The following DNAH6 variants were observed in gnomAD, a reference collection of about 807,000 sequenced individuals.
DNAH6 encodes dynein axonemal heavy chain 6, also known as axonemal beta dynein heavy chain 6.
A neutral mutation model predicts 491.4 loss-of-function variants in DNAH6; 340 were observed. That is an observed-to-expected ratio of 0.69 (90% CI 0.63 to 0.76). The LOEUF (loss-of-function observed/expected upper bound fraction) is 0.76. DNAH6 is among the 30% of genes least tolerant of loss of function. The probability of loss-of-function intolerance (pLI) is 0.00; values close to 1 mark genes in which losing one functional copy is unlikely to be tolerated. For missense variants in DNAH6, 4,443 were observed against 4,972.2 expected, an observed-to-expected ratio of 0.89 and a Z score of 3.20; for synonymous variants, 1,603 against 1,686.1, an observed-to-expected ratio of 0.95 and a Z score of 1.21.
the DNAH6 span, among the ~76,000 whole-genome samples, chr2:84,507,469 G>A: frequency 2.0e-5 from 3 of 152,208 alleles, no homozygotes; most frequent in Non-Finnish European, 4.4e-5. Flanking sequence ...ATTTTGGGCT[G>A]AGACGATGGG....
At chr2:84,494,685 T>C in the DNAH6 span, among the ~76,000 whole-genome samples, 1 of 152,194 alleles carries the variant, frequency 6.6e-6, no homozygotes. Context: ...AAATTAGAAC[T>C]ATCTAACAGA....
chr2:84,460,219 T>C, the DNAH6 span, among the ~76,000 whole-genome samples: 3 of 152,332 alleles, frequency 2.0e-5, no homozygotes, highest in South Asian at 6.2e-4. Context: ...AGCTGTGGGA[T>C]GGATGAGTGG....
intron 65 of DNAH6, among the ~76,000 whole-genome samples, chr2:84,783,573 A>G (rs1397879893): frequency 6.6e-6 from 1 of 152,192 alleles, no homozygotes; most frequent in Non-Finnish European, 1.5e-5. Context: ...AATTTGGGCT[A>G]TTTAATGTGG....
the DNAH6 span, among the ~76,000 whole-genome samples, chr2:84,470,163 G>A: frequency 6.6e-6 from 1 of 152,156 alleles, no homozygotes; most frequent in Non-Finnish European, 1.5e-5. Flanking sequence ...CCAGAAATAT[G>A]TTACAGGACA....
chr2:84,703,584 T>A (rs572956441), intron 50 of DNAH6, 22 bp downstream of exon 50: 1 of 1,528,850 alleles, frequency 6.5e-7, no homozygotes, highest in East Asian at 2.5e-5. Context: ...TTCCTGAGAA[T>A]GTGGAAAAGG....
chr2:84,546,503 C>G (rs996704717), intron 5 of DNAH6, among the ~76,000 whole-genome samples: 2 of 152,156 alleles, frequency 1.3e-5, no homozygotes, highest in Non-Finnish European at 2.9e-5. Context: ...CCCGAGGATA[C>G]AGAAGGACTG....
chr2:84,463,524 C>G, the DNAH6 span, among the ~76,000 whole-genome samples: 1 of 152,186 alleles, frequency 6.6e-6, no homozygotes, highest in African/African-American at 2.4e-5. Flanking sequence ...GAAGCCAGTA[C>G]TATCCAGTTT....
intron 21 of DNAH6, 84 bp downstream of exon 21, chr2:84,607,179 A>C: frequency 7.6e-7 from 1 of 1,323,972 alleles, no homozygotes; most frequent in Non-Finnish European, 1.0e-6. Flanking sequence ...CATTATTTAA[A>C]TATTATATGG....
intron 14 of DNAH6, among the ~76,000 whole-genome samples, chr2:84,580,712 A>T (rs1453280265): frequency 1.3e-5 from 2 of 150,930 alleles, no homozygotes; most frequent in Non-Finnish European, 3.0e-5. Context: ...GAGTCTAAAG[A>T]TGCGAATTGC....
intron 64 of DNAH6, among the ~76,000 whole-genome samples, chr2:84,773,083 A>T (rs1402391881): frequency 2.6e-5 from 4 of 152,120 alleles, no homozygotes; most frequent in African/African-American, 4.8e-5. Context: ...TCATTTTTTT[A>T]AAACTTCAAC....
chr2:84,484,153 C>T, the DNAH6 span, among the ~76,000 whole-genome samples: 3 of 152,098 alleles, frequency 2.0e-5, no homozygotes, highest in South Asian at 6.2e-4. Context: ...TTTTCTATTC[C>T]TGTCAGCGTG....
intron 64 of DNAH6, among the ~76,000 whole-genome samples, chr2:84,769,350 A>C (rs979409618): frequency 6.6e-6 from 1 of 152,244 alleles, no homozygotes; most frequent in African/African-American, 2.4e-5. Context: ...ATGGGCTGGA[A>C]CCTGACACTT....
chr2:84,628,696 T>C (rs1688107800), intron 29 of DNAH6, among the ~76,000 whole-genome samples: 1 of 152,184 alleles, frequency 6.6e-6, no homozygotes, highest in Admixed American at 6.5e-5. Flanking sequence ...GAGTGAGATT[T>C]GGAGCAGTGA....
At chr2:84,804,709 TG>T (rs1449637068) in intron 70 of DNAH6, among the ~76,000 whole-genome samples, 7 of 152,320 alleles carry the variant, frequency 4.6e-5, no homozygotes, top group African/African-American at 1.7e-4. Flanking sequence ...AACTTAAAAA[TG>T]TTTAACCATT....
At chr2:84,810,944 C>T (rs1486251532) in intron 72 of DNAH6, among the ~76,000 whole-genome samples, 2 of 152,158 alleles carry the variant, frequency 1.3e-5, no homozygotes, top group African/African-American at 4.8e-5. Flanking sequence ...CTGCTCCCTC[C>T]ACCTCTATCA....
At chr2:84,701,360 G>A in intron 49 of DNAH6, 21 bp downstream of exon 49, 11 of 1,535,438 alleles carry the variant, frequency 7.2e-6, no homozygotes, top group Non-Finnish European at 9.7e-6. Context: ...TATTATCCAT[G>A]AAAATATTGT....
chr2:84,541,517 AAAG>A (rs1678240616), intron 4 of DNAH6, among the ~76,000 whole-genome samples: 2 of 152,208 alleles, frequency 1.3e-5, no homozygotes, highest in Non-Finnish European at 1.5e-5. Flanking sequence ...AGGAAACTTA[AAAG>A]AAGAAGAAAA....
At chr2:84,723,553 T>A (rs1210027892) in intron 60 of DNAH6, among the ~76,000 whole-genome samples, 27 of 152,210 alleles carry the variant, frequency 1.8e-4, no homozygotes, top group Non-Finnish European at 1.5e-5. Flanking sequence ...TCCTTTCCAC[T>A]ATTAGTGTTT....
At chr2:84,481,241 C>T in the DNAH6 span, among the ~76,000 whole-genome samples, 1 of 152,156 alleles carries the variant, frequency 6.6e-6, no homozygotes, top group Non-Finnish European at 1.5e-5. Flanking sequence ...TTACACTAAC[C>T]CCTGTGTCCC....
Sources: gnomAD v4.1 joint callset for allele counts (sites outside exome capture counted in the v4.1 genomes callset) on GRCh38, gnomAD v4.1.1 for gene constraint, MANE v1.5 for transcripts, NCBI Gene and HGNC (gene_info 2026-07-23, HGNC 2026-07-21) for gene names.